ZEB2: variants seen among roughly 807,000 people sequenced by gnomAD.
ZEB2 encodes the protein zinc finger E-box binding homeobox 2.
Under a neutral mutation model 99.9 loss-of-function variants are expected in ZEB2, and 6 were observed. The observed-to-expected ratio is 0.06, with a 90% CI of 0.03 to 0.12. The LOEUF (loss-of-function observed/expected upper bound fraction) is 0.12. Ranked by LOEUF, ZEB2 falls within the 10% of genes least tolerant of loss-of-function variation. ZEB2 has a pLI of 1.00. For missense variants in ZEB2, 969 were observed against 1,502.8 expected, an observed-to-expected ratio of 0.64 and a Z score of 5.87; for synonymous variants, 517 against 542.5, an observed-to-expected ratio of 0.95 and a Z score of 0.65.
chr2:144,473,215 C>A (rs1468768725), intron 2 of ZEB2, among the ~76,000 whole-genome samples: 2 of 152,118 alleles, frequency 1.3e-5, no homozygotes, highest in African/African-American at 4.8e-5. Flanking sequence ...AGAAAGACAG[C>A]AGTGAGACAA....
At chr2:144,397,014 T>C (rs1405332940) in intron 8 of ZEB2, among the ~76,000 whole-genome samples, 4 of 152,206 alleles carry the variant, frequency 2.6e-5, no homozygotes, top group Admixed American at 2.6e-4. Flanking sequence ...TATATTTAGG[T>C]ACAAAATGTT....
At chr2:144,446,377 CTTCCTTCT>C (rs1346759826) in intron 2 of ZEB2, among the ~76,000 whole-genome samples, 1 of 151,564 alleles carries the variant, frequency 6.6e-6, no homozygotes, top group African/African-American at 2.4e-5. Flanking sequence ...TCTATCCTTC[CTTCCTTCT>C]TTCCTTCCTT....
chr2:144,513,602 T>G (rs925289500), intron 2 of ZEB2: 12 of 1,530,592 alleles, frequency 7.8e-6, no homozygotes, highest in Non-Finnish European at 9.6e-6. Flanking sequence ...AGGCTGATGC[T>G]GGAAGGTGGC....
chr2:144,513,929 G>A (rs1042086802), intron 2 of ZEB2: 3 of 1,468,488 alleles, frequency 2.0e-6, no homozygotes, highest in Admixed American at 4.5e-5. Flanking sequence ...GAACTTTCTT[G>A]AAACCGACAC....
intron 2 of ZEB2, among the ~76,000 whole-genome samples, chr2:144,493,190 G>A (rs1489688777): frequency 6.6e-6 from 1 of 151,894 alleles, no homozygotes; most frequent in African/African-American, 2.4e-5. Context: ...CTCAGGCTAC[G>A]GTTATTGTTT....
intron 2 of ZEB2, among the ~76,000 whole-genome samples, chr2:144,465,323 T>C (rs1302438821): frequency 6.6e-6 from 1 of 152,202 alleles, no homozygotes; most frequent in Non-Finnish European, 1.5e-5. Context: ...GGACAGTAAC[T>C]GGTCTGTTTT....
chr2:144,441,164 C>CAAGAGAGAGAGAGAGAGAGAGA (rs745749103), intron 2 of ZEB2, among the ~76,000 whole-genome samples: 1 of 88,852 alleles, frequency 1.1e-5, no homozygotes, highest in African/African-American at 4.5e-5. Context: ...TTTAGCTGCA[C>CAAGAGAGAGAGAGAGAGAGAGA]GAGAGAGAGA....
chr2:144,414,369 G>C (rs533333077), intron 4 of ZEB2, among the ~76,000 whole-genome samples: 18 of 152,234 alleles, frequency 1.2e-4, no homozygotes, highest in African/African-American at 3.9e-4. Flanking sequence ...AGAGCTTCAA[G>C]ACAGCAACTG....
At chr2:144,457,046 C>T (rs1355845326) in intron 2 of ZEB2, among the ~76,000 whole-genome samples, 3 of 152,156 alleles carry the variant, frequency 2.0e-5, no homozygotes, top group African/African-American at 7.2e-5. Flanking sequence ...AAGATAAATG[C>T]ATATAGAAGA....
chr2:144,430,007 T>C lies in ZEB2; in HGVS notation c.93A>G (p.Val31=). The part of the protein sequence containing the change: ...RRKNVVNYDN[V]VDTGSETDEE... ...CATCTGTTTCAGAACCTGTGTCCAC[T>C]ACATTGTCATAGTTCACCACTGCAG... The change falls in exon 3 of 10, where the codon GTA becomes GTG. Residue 31 remains valine, a synonymous_variant. Coordinates refer to ENST00000627532, the MANE Select transcript of ZEB2 (RefSeq NM_014795.4). 6.2e-7 allele frequency: 1 copy of C among 1,613,574 alleles called. No homozygotes were observed. The highest frequency in any genetic ancestry group is 8.5e-7 in the Non-Finnish European group (1 of 1,179,834).
chr2:144,405,987 A>G (rs979087031), intron 4 of ZEB2, among the ~76,000 whole-genome samples: 2 of 152,200 alleles, frequency 1.3e-5, no homozygotes, highest in African/African-American at 4.8e-5. Flanking sequence ...GTAGGTGAAA[A>G]AAGTGCTTTG....
chr2:144,516,496 TCTCCTTC>T (rs1178118563), intron 2 of ZEB2: 2 of 147,016 alleles, frequency 1.4e-5, no homozygotes, highest in African/African-American at 5.1e-5. Context: ...CCATCTCCTT[TCTCCTTC>T]CTCCTTCCTG....
At chr2:144,483,669 T>C (rs1056481801) in intron 2 of ZEB2, among the ~76,000 whole-genome samples, 1 of 152,132 alleles carries the variant, frequency 6.6e-6, no homozygotes, top group African/African-American at 2.4e-5. Context: ...ATTATTTGAT[T>C]TGGGTTTTAA....
intron 2 of ZEB2, among the ~76,000 whole-genome samples, chr2:144,433,877 T>C (rs1416761953): frequency 1.3e-5 from 2 of 152,202 alleles, no homozygotes; most frequent in Non-Finnish European, 2.9e-5. Flanking sequence ...ATTTGACATT[T>C]TTATAACGTC....
chr2:144,499,164 G>A (rs1425119761), intron 2 of ZEB2, among the ~76,000 whole-genome samples: 1 of 152,156 alleles, frequency 6.6e-6, no homozygotes, highest in East Asian at 1.9e-4. Context: ...TTTGCAGAAT[G>A]CCAAACACAG....
intron 4 of ZEB2, among the ~76,000 whole-genome samples, chr2:144,408,369 G>A (rs544630753): frequency 6.6e-6 from 1 of 152,316 alleles, no homozygotes; most frequent in Admixed American, 6.5e-5. Flanking sequence ...TCAGGCAACT[G>A]TAGAATAATT....
chr2:144,511,728 C>G, intron 2 of ZEB2: 1 of 1,286,092 alleles, frequency 7.8e-7, no homozygotes, highest in African/African-American at 1.5e-5. Flanking sequence ...TGAGGAGGTG[C>G]CTGGATGTTT....
At chr2:144,510,687 C>CCTCTCT (rs34688250) in intron 2 of ZEB2, among the ~76,000 whole-genome samples, 5,115 of 147,920 alleles carry the variant, frequency 0.035, 152 homozygotes, top group South Asian at 0.17. Context: ...CTACCCTGTG[C>CCTCTCT]CTCTCTCTCT....
rs1057520707 is a variant in ZEB2 at position 144,398,441 on chromosome 2, T to C, written c.2746A>G (p.Ser916Gly). ...PATFMPPVQT[S>G]IPGLRPYPGL... ...GGGTATGGTCGTAGCCCAGGAATAC[T>C]GGTCTGGACTGGTGGCATGAAAGTA... The change falls in exon 8 of 10, where the codon AGT (serine) becomes GGT (glycine). Residue 916 changes from serine (S) to glycine (G), a missense_variant. By Grantham distance (56) the Ser-to-Gly change is moderately conservative. Coordinates refer to ENST00000627532, the MANE Select transcript of ZEB2 (RefSeq NM_014795.4). The C allele has an allele frequency of 1.2e-6, 2 of 1,613,984 alleles. No individual in the cohort carries two copies. Among genetic ancestry groups the C allele is most frequent in the Non-Finnish European group, 1.7e-6 (2 of 1,179,996 alleles).
Sources: gnomAD v4.1 joint callset for allele counts (sites outside exome capture counted in the v4.1 genomes callset) on GRCh38, gnomAD v4.1.1 for gene constraint, MANE v1.5 for transcripts, NCBI Gene and HGNC (gene_info 2026-07-23, HGNC 2026-07-21) for gene names.